Variants in SEMA3D observed in about 807,000 individuals in gnomAD.
The protein encoded by SEMA3D is semaphorin-3D.
Under a neutral mutation model 100.1 loss-of-function variants are expected in SEMA3D, and 84 were observed. The ratio of observed to expected loss-of-function variants is 0.84; its 90% confidence interval spans 0.70 to 1.01. The LOEUF (loss-of-function observed/expected upper bound fraction) is 1.01. SEMA3D is among the 50% of genes least tolerant of loss of function. The probability of loss-of-function intolerance (pLI) is 0.00; values close to 1 mark genes in which losing one functional copy is unlikely to be tolerated. For missense variants in SEMA3D, 875 were observed against 934.1 expected (o/e 0.94, Z 0.82); for synonymous variants, 312 against 320.7 (o/e 0.97, Z 0.29).
intron 3 of SEMA3D, among the ~76,000 whole-genome samples, chr7:85,100,974 T>A (rs1007868974): frequency 3.3e-5 from 5 of 151,920 alleles, no homozygotes; most frequent in Non-Finnish European, 7.4e-5. Flanking sequence ...ATTTTTCTAT[T>A]AAGCTAAATA....
At chr7:85,142,143 C>T in intron 2 of SEMA3D, 1 of 984,428 alleles carries the variant, frequency 1.0e-6, no homozygotes, top group African/African-American at 1.7e-5. Context: ...TGACATATAT[C>T]AACATTGCTG....
At chr7:85,138,142 T>C (rs983844357) in intron 2 of SEMA3D, among the ~76,000 whole-genome samples, 3 of 152,158 alleles carry the variant, frequency 2.0e-5, no homozygotes, top group Non-Finnish European at 2.9e-5. Flanking sequence ...AATAAATGTT[T>C]AGTAGACAGA....
the SEMA3D span, among the ~76,000 whole-genome samples, chr7:85,208,562 T>C: frequency 6.6e-6 from 1 of 152,236 alleles, no homozygotes; most frequent in Admixed American, 6.6e-5. Flanking sequence ...TTTTGCTACC[T>C]GCTTATTTGG....
At position 85,126,407 on chromosome 7, in the gene SEMA3D, G is replaced by C. The variant is rs1562828136; in HGVS notation, c.-40-4476C>G. On this transcript the variant is annotated intron_variant, in intron 2 of 18. Transcript: ENST00000284136. Reference sequence around the variant, plus strand: ...GTGTGTGTGTGTGTGTGTGTGTCGTGTGTGTGTGTGTGTGTGTGTGTGTGT... The same window carrying C: ...GTGTGTGTGTGTGTGTGTGTGTCGTCTGTGTGTGTGTGTGTGTGTGTGTGT... Among the ~76,000 whole-genome samples, 4 of 125,038 alleles carry C rather than the reference G, an allele frequency of 3.2e-5. No individual in the cohort carries two copies. The East Asian group carries it at 1.6e-3, about 49-fold the overall frequency. The allele number at this position is 125,038 out of a possible 152,430, so 82.0% of individuals were successfully genotyped here.
At chr7:85,150,856 T>C (rs1790359978) in intron 2 of SEMA3D, among the ~76,000 whole-genome samples, 1 of 152,090 alleles carries the variant, frequency 6.6e-6, no homozygotes, top group Admixed American at 6.6e-5. Flanking sequence ...TTTCTTTACA[T>C]TGAATTCCCT....
chr7:85,148,476 T>A (rs1403498444), intron 2 of SEMA3D, among the ~76,000 whole-genome samples: 1 of 152,140 alleles, frequency 6.6e-6, no homozygotes, highest in African/African-American at 2.4e-5. Flanking sequence ...CGTCCTTAGC[T>A]GAGAGTAAAT....
At chr7:85,042,322 A>T (rs1426335036) in intron 9 of SEMA3D, 37 bp from the exon 10 acceptor site, 27 of 1,418,226 alleles carry the variant, frequency 1.9e-5, no homozygotes, top group Non-Finnish European at 2.7e-5. Context: ...AATATTTATC[A>T]ACACAATTCT....
the SEMA3D span, among the ~76,000 whole-genome samples, chr7:85,211,454 G>A: frequency 6.6e-6 from 1 of 151,966 alleles, no homozygotes; most frequent in Non-Finnish European, 1.5e-5. Context: ...CTTGAATTAT[G>A]AACATAAGAG....
At chr7:85,011,327 T>G (rs1345158102) in intron 17 of SEMA3D, among the ~76,000 whole-genome samples, 2 of 151,748 alleles carry the variant, frequency 1.3e-5, no homozygotes, top group African/African-American at 4.8e-5. Context: ...GCCGGTGACC[T>G]TGACAAGAAT....
At chr7:85,195,492 G>C in the SEMA3D span, among the ~76,000 whole-genome samples, 1 of 151,754 alleles carries the variant, frequency 6.6e-6, no homozygotes, top group Admixed American at 6.6e-5. Context: ...TCTCATCCAG[G>C]CTAGAGCTAG....
At position 85,042,297 on chromosome 7, in the gene SEMA3D, A is replaced by G; in HGVS notation, c.862-12T>C. 1 of 1,551,300 alleles carries G rather than the reference A, an allele frequency of 6.4e-7. No individual in the cohort carries two copies. Among genetic ancestry groups the G allele is most frequent in the South Asian group, 1.1e-5 (1 of 88,726 alleles). Reference sequence around the variant, plus strand: ...CCTCCTACATCATTCTGACATGAAAAAAAAAATAAAGATAAATATTTATCA... The same window carrying G: ...CCTCCTACATCATTCTGACATGAAAGAAAAAATAAAGATAAATATTTATCA... On this transcript the variant is annotated splice_polypyrimidine_tract_variant and intron_variant, in intron 9 of 18. Coordinates refer to ENST00000284136, the MANE Select transcript of SEMA3D (RefSeq NM_001384900.1).
At chr7:85,126,404 CGT>C (rs374819280) in intron 2 of SEMA3D, among the ~76,000 whole-genome samples, 5,248 of 133,618 alleles carry the variant, frequency 0.039, 291 homozygotes, top group East Asian at 0.25. Context: ...GTGTGTGTGT[CGT>C]GTGTGTGTGT....
the SEMA3D span, among the ~76,000 whole-genome samples, chr7:85,208,186 C>T: frequency 6.6e-6 from 1 of 151,646 alleles, no homozygotes; most frequent in Non-Finnish European, 1.5e-5. Context: ...TAAAATATTG[C>T]TTAAACATTT....
the SEMA3D span, among the ~76,000 whole-genome samples, chr7:85,231,115 T>A: frequency 6.6e-6 from 1 of 152,200 alleles, no homozygotes; most frequent in Non-Finnish European, 1.5e-5. Flanking sequence ...TTATTTTTCA[T>A]TTGTGTCTTC....
At position 85,000,475 on chromosome 7, in the gene SEMA3D, T is replaced by C. The variant is rs561222959; in HGVS notation, c.1909-610A>G. 7.2e-5 allele frequency among the ~76,000 whole-genome samples: 11 copies of C among 152,278 alleles called. No individual in the cohort carries two copies. The East Asian group carries it at 2.1e-3, about 29-fold the overall frequency. ...CAAAGCCAAAGGTACGGGTATAGTC[T>C]TTTGGACGTTAGAGCTGTAATTGAG... is the stretch of plus-strand genomic sequence containing the variant. On this transcript the variant is annotated intron_variant, in intron 18 of 18. Transcript: ENST00000284136.
intron 3 of SEMA3D, among the ~76,000 whole-genome samples, chr7:85,099,519 A>G (rs946420754): frequency 3.9e-5 from 6 of 151,972 alleles, no homozygotes; most frequent in African/African-American, 1.4e-4. Context: ...GGACTAATAC[A>G]CATAGTTTTC....
At chr7:85,109,556 T>G (rs1789029571) in intron 3 of SEMA3D, among the ~76,000 whole-genome samples, 2 of 151,952 alleles carry the variant, frequency 1.3e-5, no homozygotes, top group African/African-American at 4.8e-5. Context: ...ACCATCTTTA[T>G]AAATAAAAAG....
the SEMA3D span, among the ~76,000 whole-genome samples, chr7:85,246,697 A>T: frequency 6.6e-6 from 1 of 151,970 alleles, no homozygotes; most frequent in South Asian, 2.1e-4. Flanking sequence ...ACTGAAAAAA[A>T]CCTGATAATA....
chr7:85,203,167 T>C, the SEMA3D span, among the ~76,000 whole-genome samples: 3 of 152,194 alleles, frequency 2.0e-5, no homozygotes, highest in African/African-American at 7.2e-5. Flanking sequence ...GAGGATGTAA[T>C]GAGCAGAGAG....
Sources: allele counts gnomAD v4.1 joint callset (sites outside exome capture counted in the v4.1 genomes callset), GRCh38; gene constraint gnomAD v4.1.1; transcripts MANE v1.5; gene names NCBI Gene and HGNC (gene_info 2026-07-23, HGNC 2026-07-21).